EFCAB6: variants seen among roughly 807,000 people sequenced by gnomAD.
EFCAB6 encodes the protein EF-hand calcium binding domain 6, also known as EF-hand calcium-binding domain-containing protein 6.
In EFCAB6, 156 loss-of-function variants were observed where a neutral mutation model predicts 169.8. The observed-to-expected ratio is 0.92, with a 90% CI of 0.81 to 1.05. EFCAB6 has a LOEUF of 1.05. Ranked by LOEUF, EFCAB6 falls within the 50% of genes least tolerant of loss-of-function variation. The pLI, the probability that EFCAB6 is intolerant of heterozygous loss-of-function variation, is 0.00. For synonymous variants in EFCAB6, 698 were observed against 676.4 expected (o/e 1.03, Z -0.50); for missense variants, 1,800 against 1,829.1 (o/e 0.98, Z 0.29).
chr22:43,796,919 A>G (rs2062530604), intron 2 of EFCAB6, among the ~76,000 whole-genome samples: 1 of 152,214 alleles, frequency 6.6e-6, no homozygotes, highest in Admixed American at 6.5e-5. Flanking sequence ...GGATGGAATC[A>G]TTCTCTGAAC....
chr22:43,606,856 C>T (rs2052954851), intron 22 of EFCAB6, among the ~76,000 whole-genome samples: 1 of 152,186 alleles, frequency 6.6e-6, no homozygotes. Flanking sequence ...AGTTCTGTCC[C>T]ACCCTCAGAA....
chr22:43,756,404 C>G (rs545255256), intron 5 of EFCAB6, among the ~76,000 whole-genome samples: 1 of 152,164 alleles, frequency 6.6e-6, no homozygotes, highest in Non-Finnish European at 1.5e-5. Flanking sequence ...GCTTCGTGGT[C>G]AATGCATCTA....
chr22:43,617,226 A>C (rs1235561737), intron 20 of EFCAB6, among the ~76,000 whole-genome samples: 1 of 152,226 alleles, frequency 6.6e-6, no homozygotes, highest in African/African-American at 2.4e-5. Flanking sequence ...TTTTTGCTTA[A>C]AAGGACTGTA....
chr22:43,689,378 C>CACACACACACACACAG (rs1030146132), intron 10 of EFCAB6, among the ~76,000 whole-genome samples: 1 of 151,882 alleles, frequency 6.6e-6, no homozygotes, highest in Non-Finnish European at 1.5e-5. Flanking sequence ...CACACACACA[C>CACACACACACACACAG]AGCAGCATCT....
chr22:43,684,912 C>A (rs1051307941), intron 11 of EFCAB6, among the ~76,000 whole-genome samples: 1 of 152,188 alleles, frequency 6.6e-6, no homozygotes, highest in African/African-American at 2.4e-5. Context: ...TAGATCAGTG[C>A]AGGTTTGGAT....
At chr22:43,582,519 A>C (rs1050392514) in intron 24 of EFCAB6, among the ~76,000 whole-genome samples, 1 of 152,170 alleles carries the variant, frequency 6.6e-6, no homozygotes, top group South Asian at 2.1e-4. Context: ...TTCAATAAGA[A>C]CTCAGAAAAT....
chr22:43,784,716 C>CATATATATAT (rs1445484512), intron 2 of EFCAB6, among the ~76,000 whole-genome samples: 14 of 125,592 alleles, frequency 1.1e-4, no homozygotes, highest in Middle Eastern at 4.8e-3. Context: ...CACACACACA[C>CATATATATAT]ACATATATAT....
At chr22:43,661,259 T>C (rs1279737579) in intron 17 of EFCAB6, among the ~76,000 whole-genome samples, 1 of 152,052 alleles carries the variant, frequency 6.6e-6, no homozygotes, top group Non-Finnish European at 1.5e-5. Flanking sequence ...GGACCTCTAG[T>C]TCCAGCTACT....
In EFCAB6 at chr22:43,784,556, T is replaced by TACACATATATGTGTATATATAC. The variant is rs1569487221; in HGVS notation, c.-7-2232_-7-2231insGTATATATACACATATATGTGT. Among the ~76,000 whole-genome samples, 102 of 73,068 alleles carry TACACATATATGTGTATATATAC rather than the reference T, an allele frequency of 1.4e-3. 4 individuals are homozygous for TACACATATATGTGTATATATAC. Among genetic ancestry groups the TACACATATATGTGTATATATAC allele is most frequent in the East Asian group, 3.8e-3 (5 of 1,306 alleles). 47.9% of individuals were successfully genotyped at this position (73,068 alleles called of 152,430 possible). A position where few individuals can be genotyped will look rare whatever the true frequency, so the allele number is the denominator to read the frequency against. ...GTGTGTGTGTGTGTATATGTATATATACACATATATATGTGTACATATACA... is the reference window on the plus strand; with the variant it reads ...GTGTGTGTGTGTGTATATGTATATATACACATATATGTGTATATATACACACATATATATGTGTACATATACA... On this transcript the variant is annotated intron_variant, in intron 2 of 31. Coordinates refer to ENST00000262726, the MANE Select transcript of EFCAB6 (RefSeq NM_022785.4).
intron 26 of EFCAB6, among the ~76,000 whole-genome samples, chr22:43,559,662 C>T (rs1443086160): frequency 6.6e-6 from 1 of 152,194 alleles, no homozygotes; most frequent in Non-Finnish European, 1.5e-5. Context: ...CACATACACA[C>T]CACGGAATAC....
chr22:43,530,229 G>A (rs1448676808), intron 31 of EFCAB6, among the ~76,000 whole-genome samples: 1 of 152,254 alleles, frequency 6.6e-6, no homozygotes, highest in Admixed American at 6.5e-5. Context: ...CTTTGCATGA[G>A]GGATAGGGAG....
intron 6 of EFCAB6, among the ~76,000 whole-genome samples, chr22:43,740,663 C>A (rs1384323221): frequency 6.6e-6 from 1 of 152,180 alleles, no homozygotes; most frequent in African/African-American, 2.4e-5. Context: ...GCTAACATGG[C>A]CTCAGTATCC....
At chr22:43,715,177 G>A (rs987681189) in intron 9 of EFCAB6, among the ~76,000 whole-genome samples, 1 of 152,128 alleles carries the variant, frequency 6.6e-6, no homozygotes. Context: ...TCCCTTTGGG[G>A]ACCTAATAAG....
At chr22:43,768,421 G>T (rs1011730567) in intron 4 of EFCAB6, among the ~76,000 whole-genome samples, 1 of 152,182 alleles carries the variant, frequency 6.6e-6, no homozygotes, top group African/African-American at 2.4e-5. Flanking sequence ...GTCCAGTTAG[G>T]CTTACATTAA....
chr22:43,639,554 G>A (rs1305535768), intron 17 of EFCAB6, among the ~76,000 whole-genome samples: 1 of 152,122 alleles, frequency 6.6e-6, no homozygotes, highest in Non-Finnish European at 1.5e-5. Context: ...TTTGTAATGT[G>A]TCATTTTTCT....
At chr22:43,698,091 ACTG>A (rs2058640519) in intron 10 of EFCAB6, among the ~76,000 whole-genome samples, 2 of 152,092 alleles carry the variant, frequency 1.3e-5, no homozygotes, top group African/African-American at 4.8e-5. Context: ...TCCCCAGAAA[ACTG>A]CTGCTTGTTC....
At chr22:43,605,894 C>T (rs140266126) in intron 22 of EFCAB6, among the ~76,000 whole-genome samples, 36 of 152,246 alleles carry the variant, frequency 2.4e-4, no homozygotes, top group African/African-American at 7.7e-4. Context: ...GCAATACTTT[C>T]CAGGAAGTAG....
At chr22:43,689,661 C>T (rs1332783783) in intron 10 of EFCAB6, among the ~76,000 whole-genome samples, 2 of 152,184 alleles carry the variant, frequency 1.3e-5, no homozygotes, top group Non-Finnish European at 1.5e-5. Flanking sequence ...CCTTTTGTTC[C>T]TCTCCTTCCT....
intron 11 of EFCAB6, among the ~76,000 whole-genome samples, chr22:43,684,515 T>C (rs1475909565): frequency 5.9e-5 from 9 of 152,160 alleles, no homozygotes; most frequent in Non-Finnish European, 1.0e-4. Context: ...CATTGGGTGC[T>C]TCTCTTTTCT....
Sources: gnomAD v4.1 joint callset for allele counts (sites outside exome capture counted in the v4.1 genomes callset) on GRCh38, gnomAD v4.1.1 for gene constraint, MANE v1.5 for transcripts, NCBI Gene and HGNC (gene_info 2026-07-23, HGNC 2026-07-21) for gene names.